Variants in PEX7 observed in about 807,000 individuals in gnomAD.
The protein encoded by PEX7 is PTS2 receptor.
PEX7 carries 34 observed loss-of-function variants against 47.5 expected under a neutral mutation model. The observed-to-expected ratio is 0.72, with a 90% CI of 0.54 to 0.95. The LOEUF is 0.95. PEX7 is among the 40% of genes least tolerant of loss of function. The probability of loss-of-function intolerance (pLI) is 0.00; values close to 1 mark genes in which losing one functional copy is unlikely to be tolerated. For synonymous variants in PEX7, 141 were observed against 148.8 expected (o/e 0.95, Z 0.38); for missense variants, 394 against 400.3 (o/e 0.98, Z 0.13).
At position 136,900,549 on chromosome 6, in the gene PEX7, T is replaced by G; in HGVS notation, c.903+2308T>G. ...CCATCTTAGCCAAAGCCCTTTTGTC[T>G]TCCGAGTTAATCTGTGTGAAGGTGA... On this transcript the variant is annotated intron_variant, in intron 9 of 9. Transcript: ENST00000318471. The surrounding 1 kb of genome is among the most constrained non-coding windows in gnomAD (Gnocchi z 4.2). 2.2e-6 allele frequency: 1 copy of G among 449,700 alleles called. No individual in the cohort carries two copies. Among genetic ancestry groups the G allele is most frequent in the Non-Finnish European group, 4.4e-6 (1 of 225,982 alleles). 27.9% of individuals were successfully genotyped at this position (449,700 alleles called of 1,614,324 possible).
intron 5 of PEX7, among the ~76,000 whole-genome samples, chr6:136,859,011 G>C (rs1582752736): frequency 1.3e-5 from 2 of 152,346 alleles, no homozygotes; most frequent in Middle Eastern, 3.4e-3. Flanking sequence ...AGGCAGTCAA[G>C]ATGTATTTTT....
At chr6:136,833,470 AT>A (rs1377051959) in intron 3 of PEX7, among the ~76,000 whole-genome samples, 3 of 152,234 alleles carry the variant, frequency 2.0e-5, no homozygotes, top group African/African-American at 7.2e-5. Flanking sequence ...TCAGAAATGC[AT>A]TTATGTTTAA....
At chr6:136,891,728 C>T (rs1775558799) in intron 8 of PEX7, among the ~76,000 whole-genome samples, 1 of 151,598 alleles carries the variant, frequency 6.6e-6, no homozygotes, top group African/African-American at 2.4e-5. Flanking sequence ...GCAGCCTCTA[C>T]CTCCTGGGCT....
At position 136,900,739 on chromosome 6, in the gene PEX7, G is replaced by A; in HGVS notation, c.903+2498G>A. 1 of 354,460 alleles carries A rather than the reference G, an allele frequency of 2.8e-6. No individual in the cohort carries two copies. The highest frequency in any genetic ancestry group is 8.7e-5 in the East Asian group (1 of 11,498). The allele number at this position is 354,460 out of a possible 1,614,324, so 22.0% of individuals were successfully genotyped here. On this transcript the variant is annotated intron_variant, in intron 9 of 9. Coordinates refer to ENST00000318471, the MANE Select transcript of PEX7 (RefSeq NM_000288.4). This position sits in a 1 kb window ranked among gnomAD's most constrained non-coding sequence, Gnocchi z 4.2. ...AGCCTTCTTCTTCTCCACCAAGGTGGTGACGGTGTTAACCCCAGCTTGAAG... is the reference window on the plus strand; with the variant it reads ...AGCCTTCTTCTTCTCCACCAAGGTGATGACGGTGTTAACCCCAGCTTGAAG...
Position 136,826,437 on chromosome 6 carries a change from C to A in PEX7, c.307C>A (p.Pro103Thr), listed in dbSNP as rs751932626. 5 of 1,613,680 alleles carry A rather than the reference C, an allele frequency of 3.1e-6. No individual in the cohort carries two copies. The African/African-American group carries it at 4.0e-5, about 13-fold the overall frequency. ...QLWDTAKAAGPLQVYKEHAQE... is the reference protein window; with the variant it reads ...QLWDTAKAAGTLQVYKEHAQE... ...CTGGGACACTGCCAAAGCTGCAGGG[C>A]CACTGCAAGTCTATAAAGAACACGC... The change falls in exon 3 of 10, where the codon CCA (proline) becomes ACA (threonine). Residue 103 changes from proline (P) to threonine (T), a missense_variant. By Grantham distance (38) the Pro-to-Thr change is conservative. Coordinates refer to ENST00000318471, the MANE Select transcript of PEX7 (RefSeq NM_000288.4).
chr6:136,873,365 A>T (rs748276825), intron 8 of PEX7, among the ~76,000 whole-genome samples: 1 of 152,206 alleles, frequency 6.6e-6, no homozygotes, highest in Non-Finnish European at 1.5e-5. Flanking sequence ...TTGTGTTACT[A>T]GAGAATTAAT....
intron 8 of PEX7, among the ~76,000 whole-genome samples, chr6:136,890,361 A>G (rs1775533339): frequency 1.3e-5 from 2 of 152,236 alleles, no homozygotes. Context: ...CCAGAGCCCA[A>G]AGGCAGAAGC....
At chr6:136,894,772 G>T (rs1243251057) in intron 8 of PEX7, among the ~76,000 whole-genome samples, 3 of 152,022 alleles carry the variant, frequency 2.0e-5, no homozygotes, top group African/African-American at 7.2e-5. Flanking sequence ...TTAATCATTG[G>T]AGGCTTATCC....
At chr6:136,903,228 G>A (rs991140106) in intron 9 of PEX7, among the ~76,000 whole-genome samples, 4 of 151,954 alleles carry the variant, frequency 2.6e-5, no homozygotes, top group African/African-American at 7.2e-5. Context: ...CATTCCAGAA[G>A]CCTCTTCCCA....
chr6:136,834,767 G>C (rs988544822), intron 3 of PEX7, among the ~76,000 whole-genome samples: 2 of 150,572 alleles, frequency 1.3e-5, no homozygotes, highest in Non-Finnish European at 3.0e-5. Context: ...GCCACACACT[G>C]TGGGCAGAAA....
At chr6:136,844,372 G>GA (rs71009512) in intron 3 of PEX7, among the ~76,000 whole-genome samples, 6,331 of 148,126 alleles carry the variant, frequency 0.043, 149 homozygotes, top group African/African-American at 0.075. Flanking sequence ...CCCTGTTTTG[G>GA]AAAAAAAAAA....
chr6:136,896,304 A>C (rs1775649593), intron 8 of PEX7, among the ~76,000 whole-genome samples: 1 of 152,250 alleles, frequency 6.6e-6, no homozygotes, highest in Non-Finnish European at 1.5e-5. Context: ...TTTCAAATGA[A>C]GTCAGAGAGC....
At chr6:136,823,236 A>G (rs1361790019) in intron 1 of PEX7, 1 of 985,346 alleles carries the variant, frequency 1.0e-6, no homozygotes, top group Non-Finnish European at 1.2e-6. Context: ...TCTGCATTCG[A>G]GCACTGAGCT....
chr6:136,893,068 C>T (rs6570109), intron 8 of PEX7, among the ~76,000 whole-genome samples: 95,553 of 152,108 alleles, frequency 0.63, 31,894 homozygotes, highest in African/African-American at 0.88. Context: ...GACCCCTCTT[C>T]ACTATCTTCA....
intron 8 of PEX7, among the ~76,000 whole-genome samples, chr6:136,883,561 T>C (rs1775413311): frequency 6.6e-6 from 1 of 152,240 alleles, no homozygotes. Context: ...GGGTTCATCA[T>C]AGAATCAGTC....
chr6:136,822,816 T>TGGGGCCG, intron 1 of PEX7, 21 bp downstream of exon 1: 1 of 1,251,888 alleles, frequency 8.0e-7, no homozygotes, highest in African/African-American at 1.6e-5. Context: ...GCCGCGCAGC[T>TGGGGCCG]GGGGCCGGGG....
rs1775740423 is a variant in PEX7 at position 136,900,780 on chromosome 6, A to C, written c.903+2539A>C. ...CAGCTTGAAGGACAGGTGGTCTCTT[A>C]GTGGGGACATCCCCTTTGCCAACAG... On this transcript the variant is annotated intron_variant, in intron 9 of 9. Coordinates refer to ENST00000318471, the MANE Select transcript of PEX7 (RefSeq NM_000288.4). The surrounding 1 kb of genome is among the most constrained non-coding windows in gnomAD (Gnocchi z 4.2). The C allele has an allele frequency of 3.0e-6, 1 of 334,344 alleles. No individual in the cohort carries two copies. The highest frequency in any genetic ancestry group is 2.2e-5 in the African/African-American group (1 of 45,208). The allele number at this position is 334,344 out of a possible 1,614,324, so 20.7% of individuals were successfully genotyped here. A position where few individuals can be genotyped will look rare whatever the true frequency, so the allele number is the denominator to read the frequency against.
chr6:136,892,223 T>C (rs759032436), intron 8 of PEX7, among the ~76,000 whole-genome samples: 5 of 152,250 alleles, frequency 3.3e-5, no homozygotes, highest in African/African-American at 4.8e-5. Flanking sequence ...GGCTGACTAA[T>C]GGACTCTTGG....
chr6:136,833,984 A>G (rs1774340166), intron 3 of PEX7, among the ~76,000 whole-genome samples: 1 of 152,226 alleles, frequency 6.6e-6, no homozygotes, highest in Non-Finnish European at 1.5e-5. Flanking sequence ...CAGACAAACC[A>G]TTTAGGGTCC....
Sources: allele counts gnomAD v4.1 joint callset (sites outside exome capture counted in the v4.1 genomes callset), GRCh38; gene constraint gnomAD v4.1.1; non-coding constraint Gnocchi (gnomAD v3.1); transcripts MANE v1.5; gene names NCBI Gene and HGNC (gene_info 2026-07-23, HGNC 2026-07-21).